KRCC1: variants seen among roughly 807,000 people sequenced by gnomAD.
KRCC1 encodes lysine-rich coiled-coil protein 1.
KRCC1 carries 3 observed loss-of-function variants against 7.4 expected under a neutral mutation model. The ratio of observed to expected loss-of-function variants is 0.40; its 90% confidence interval spans 0.18 to 1.04. KRCC1 has a LOEUF of 1.04. Ranked by LOEUF, KRCC1 falls within the 50% of genes least tolerant of loss-of-function variation. KRCC1 has a pLI of 0.33. For synonymous variants in KRCC1, 102 were observed against 101.6 expected (o/e 1.00, Z -0.02); for missense variants, 277 against 300.9 (o/e 0.92, Z 0.59).
At chr2:88,049,595 G>A (rs533153201) in intron 1 of KRCC1, among the ~76,000 whole-genome samples, 15 of 152,342 alleles carry the variant, frequency 9.8e-5, no homozygotes, top group Non-Finnish European at 1.6e-4. Flanking sequence ...GCTGCAGTGA[G>A]CTGAAATTGT....
chr2:88,033,055 G>T (rs774600955), intron 3 of KRCC1, among the ~76,000 whole-genome samples: 1 of 152,196 alleles, frequency 6.6e-6, no homozygotes, highest in Non-Finnish European at 1.5e-5. Flanking sequence ...GGGGAGAGAG[G>T]TGGGAAGAAA....
chr2:88,050,367 T>C (rs1371862778), intron 1 of KRCC1, among the ~76,000 whole-genome samples: 1 of 152,224 alleles, frequency 6.6e-6, no homozygotes, highest in Non-Finnish European at 1.5e-5. Context: ...ACACCTGTAA[T>C]CCCAGCACTT....
intron 1 of KRCC1, among the ~76,000 whole-genome samples, chr2:88,041,089 TG>T (rs1299331905): frequency 6.6e-6 from 1 of 152,064 alleles, no homozygotes; most frequent in Non-Finnish European, 1.5e-5. Context: ...AGACTCAAAA[TG>T]GAGATATTGT....
intron 3 of KRCC1, among the ~76,000 whole-genome samples, chr2:88,031,314 A>T (rs866223971): frequency 6.6e-6 from 1 of 151,788 alleles, no homozygotes; most frequent in Non-Finnish European, 1.5e-5. Context: ...TTCATAAAAA[A>T]GTTTAACAAG....
intron 1 of KRCC1, among the ~76,000 whole-genome samples, chr2:88,052,041 G>A (rs924328533): frequency 1.3e-5 from 2 of 152,204 alleles, no homozygotes; most frequent in African/African-American, 2.4e-5. Context: ...CATGTTCCTC[G>A]TGGGTTTAGA....
chr2:88,030,155 T>C (rs1349529114), intron 3 of KRCC1, among the ~76,000 whole-genome samples: 1 of 150,642 alleles, frequency 6.6e-6, no homozygotes, highest in Non-Finnish European at 1.5e-5. Context: ...ACCTGCCCTA[T>C]ATATTTTTGG....
intron 1 of KRCC1, among the ~76,000 whole-genome samples, chr2:88,052,151 C>T (rs1673504277): frequency 6.6e-6 from 1 of 152,224 alleles, no homozygotes; most frequent in Non-Finnish European, 1.5e-5. Flanking sequence ...TGCAACTGCC[C>T]ATAATCTATT....
chr2:88,043,469 G>C (rs1673257743), intron 1 of KRCC1, among the ~76,000 whole-genome samples: 1 of 152,138 alleles, frequency 6.6e-6, no homozygotes, highest in South Asian at 2.1e-4. Flanking sequence ...ATATGGTCCT[G>C]CAACATTCTT....
intron 1 of KRCC1, among the ~76,000 whole-genome samples, chr2:88,052,149 C>G (rs1398260716): frequency 1.3e-5 from 2 of 152,242 alleles, no homozygotes; most frequent in African/African-American, 4.8e-5. Context: ...TGTGCAACTG[C>G]CCATAATCTA....
At chr2:88,049,435 C>A (rs1673419268) in intron 1 of KRCC1, among the ~76,000 whole-genome samples, 1 of 152,138 alleles carries the variant, frequency 6.6e-6, no homozygotes, top group Admixed American at 6.5e-5. Flanking sequence ...TCGTTTGAGT[C>A]CAGAGTTCCA....
chr2:88,027,766 G>A lies in KRCC1; in HGVS notation c.*18C>T. 6.4e-7 allele frequency: 1 copy of A among 1,552,098 alleles called. No individual in the cohort carries two copies. The highest frequency in any genetic ancestry group is 8.7e-7 in the Non-Finnish European group (1 of 1,156,050). ...CTATTTTTTCAATTTAACTTTGGGA[G>A]AACCAACTTTGAAAGCTTCAAAATC... is the stretch of plus-strand genomic sequence containing the variant. On this transcript the variant is annotated 3_prime_UTR_variant, in exon 4 of 4. Coordinates refer to ENST00000347055, the MANE Select transcript of KRCC1 (RefSeq NM_016618.3).
At chr2:88,053,375 A>G (rs965257747) in intron 1 of KRCC1, among the ~76,000 whole-genome samples, 2 of 146,594 alleles carry the variant, frequency 1.4e-5, no homozygotes, top group Non-Finnish European at 3.1e-5. Context: ...ATTTAAAGTC[A>G]TTGCAAAATC....
intron 1 of KRCC1, among the ~76,000 whole-genome samples, chr2:88,055,018 G>A (rs939178160): frequency 2.6e-5 from 4 of 151,770 alleles, no homozygotes; most frequent in East Asian, 3.9e-4. Context: ...TCACTATCAA[G>A]ACGGGCCTAT....
At chr2:88,054,524 C>T (rs946557266) in intron 1 of KRCC1, among the ~76,000 whole-genome samples, 16 of 152,188 alleles carry the variant, frequency 1.1e-4, no homozygotes, top group Non-Finnish European at 4.4e-5. Context: ...CTCCCAGTCT[C>T]TGTGGGAGGA....
In KRCC1 at chr2:88,032,590, A is replaced by G. The variant is rs114466068; in HGVS notation, c.-23+1544T>C. ...TTAACGGACACATGACTGGGTGTCTATACAAAGACATGAATGTTCATATAG... is the reference window on the plus strand; with the variant it reads ...TTAACGGACACATGACTGGGTGTCTGTACAAAGACATGAATGTTCATATAG... On this transcript the variant is annotated intron_variant, in intron 3 of 3. Transcript: ENST00000347055. Among the ~76,000 whole-genome samples the G allele has an allele frequency of 9.0e-3, 1,367 of 152,328 alleles. 26 individuals carry two copies. The highest frequency in any genetic ancestry group is 0.085 in the East Asian group (441 of 5,184).
chr2:88,047,829 A>G (rs1416308240), intron 1 of KRCC1, among the ~76,000 whole-genome samples: 1 of 152,150 alleles, frequency 6.6e-6, no homozygotes, highest in African/African-American at 2.4e-5. Context: ...ATGTTTGGCC[A>G]GCATAATAGG....
chr2:88,039,057 TGATCTTGTGTGTTAGCTCA>T (rs1167700769), intron 1 of KRCC1, among the ~76,000 whole-genome samples: 9 of 152,324 alleles, frequency 5.9e-5, no homozygotes, highest in Admixed American at 5.9e-4. Flanking sequence ...TTTGACAGTC[TGATCTTGTGTGTTAGCTCA>T]GTATCCACAG....
intron 1 of KRCC1, among the ~76,000 whole-genome samples, chr2:88,041,525 C>T (rs1673210179): frequency 6.6e-6 from 1 of 152,104 alleles, no homozygotes; most frequent in Non-Finnish European, 1.5e-5. Context: ...TTTAAACAAC[C>T]TGCAGATGTT....
rs917133733 is a variant in KRCC1 at position 88,049,421 on chromosome 2, TG to T, written c.-291+6204del. ...TACGTCCTTGGGAAGCTGAAGTAGG[TG>T]GATCGTTTGAGTCCAGAGTTCCAGA... On this transcript the variant is annotated intron_variant, in intron 1 of 3. Coordinates refer to ENST00000347055, the MANE Select transcript of KRCC1 (RefSeq NM_016618.3). Among the ~76,000 whole-genome samples, 18 of 152,028 alleles carry T rather than the reference TG, an allele frequency of 1.2e-4. No homozygotes were observed. In the South Asian group the frequency reaches 3.5e-3, roughly 30 times the overall value.
Sources: allele counts gnomAD v4.1 joint callset (sites outside exome capture counted in the v4.1 genomes callset), GRCh38; gene constraint gnomAD v4.1.1; transcripts MANE v1.5; gene names NCBI Gene and HGNC (gene_info 2026-07-23, HGNC 2026-07-21).